The following RNASE4 variants were observed in gnomAD, a reference collection of about 807,000 sequenced individuals.
The protein encoded by RNASE4 is ribonuclease 4.
For synonymous variants in RNASE4, 93 were observed against 71.4 expected (o/e 1.30, Z -1.52); for missense variants, 194 against 192.8 (o/e 1.01, Z -0.04).
At chr14:20,694,110 G>T in intron 1 of RNASE4, 1 of 1,317,132 alleles carries the variant, frequency 7.6e-7, no homozygotes. Context: ...AGGGCCCAAA[G>T]AAAGAGCTAC....
In RNASE4 at chr14:20,699,589, T is replaced by G. The variant is rs1887218513; in HGVS notation, c.218T>G (p.Phe73Cys). ...TATCACTGCAAGCGCTTCAACACCT[T>G]CATCCATGAAGATATCTGGAACATT... ...TLYHCKRFNT[F>C]IHEDIWNIRS... The change falls in exon 2 of 2, where the codon TTC becomes TGC. Residue 73 changes from phenylalanine (F) to cysteine (C), a missense_variant. Phe to Cys is a radical substitution (Grantham distance 205). Transcript: ENST00000555835. 6.2e-7 allele frequency: 1 copy of G among 1,614,142 alleles called. No homozygotes were observed.
chr14:20,694,313 T>G (rs1886997442), intron 1 of RNASE4: 3 of 393,080 alleles, frequency 7.6e-6, no homozygotes, highest in Non-Finnish European at 1.4e-5. Flanking sequence ...TTTTTTTTTT[T>G]TTTTGAGATG....
intron 1 of RNASE4, among the ~76,000 whole-genome samples, chr14:20,697,139 A>G (rs1231780152): frequency 6.6e-6 from 1 of 152,244 alleles, no homozygotes; most frequent in Non-Finnish European, 1.5e-5. Context: ...TGAGTAGTGC[A>G]GAAAAGCTGA....
At chr14:20,689,376 G>C (rs1886585621) in intron 1 of RNASE4, among the ~76,000 whole-genome samples, 1 of 152,216 alleles carries the variant, frequency 6.6e-6, no homozygotes, top group South Asian at 2.1e-4. Flanking sequence ...AAGCAATAAA[G>C]GGATGAATAT....
intron 1 of RNASE4, among the ~76,000 whole-genome samples, chr14:20,695,394 CAAAA>C (rs552960263): frequency 8.7e-6 from 1 of 114,670 alleles, no homozygotes. Flanking sequence ...GACTCCATCT[CAAAA>C]AAAAAAAAAA....
intron 1 of RNASE4, among the ~76,000 whole-genome samples, chr14:20,688,472 T>A (rs1886530864): frequency 6.6e-6 from 1 of 152,212 alleles, no homozygotes; most frequent in Admixed American, 6.5e-5. Context: ...AGATGCTATC[T>A]TATGGATCCA....
At chr14:20,692,797 C>T (rs1886838000) in intron 1 of RNASE4, among the ~76,000 whole-genome samples, 2 of 152,186 alleles carry the variant, frequency 1.3e-5, no homozygotes, top group Admixed American at 6.5e-5. Flanking sequence ...AAGCCCCCAT[C>T]TTTTCCCCAT....
chr14:20,688,710 G>A (rs1024218173), intron 1 of RNASE4: 1 of 985,320 alleles, frequency 1.0e-6, no homozygotes, highest in Non-Finnish European at 1.2e-6. Context: ...TGGTTTTCAT[G>A]TCCCTGCCAG....
intron 1 of RNASE4, among the ~76,000 whole-genome samples, chr14:20,692,789 GC>G (rs1184035915): frequency 2.6e-5 from 4 of 152,100 alleles, no homozygotes; most frequent in African/African-American, 9.7e-5. Context: ...GTACATTGAA[GC>G]CCCCATCTTT....
intron 1 of RNASE4, chr14:20,693,751 TG>T: frequency 6.2e-7 from 1 of 1,614,232 alleles, no homozygotes; most frequent in South Asian, 1.1e-5. Flanking sequence ...GACCTCACCC[TG>T]CAAAGACATC....
In RNASE4 at chr14:20,700,592, G is replaced by A. The variant is rs1887260780; in HGVS notation, c.*777G>A. On this transcript the variant is annotated 3_prime_UTR_variant, in exon 2 of 2. Coordinates refer to ENST00000555835, the MANE Select transcript of RNASE4 (RefSeq NM_002937.5). ...TTGTAATAAAGGACCTAAACCGAAG[G>A]TACCTGAGAAGACTGTGCTATGGTA... 6.0e-6 allele frequency: 1 copy of A among 166,970 alleles called. No homozygotes were observed. Among genetic ancestry groups the A allele is most frequent in the African/African-American group, 2.4e-5 (1 of 41,404 alleles). 10.3% of individuals were successfully genotyped at this position (166,970 alleles called of 1,614,324 possible). A position where few individuals can be genotyped will look rare whatever the true frequency, so the allele number is the denominator to read the frequency against.
chr14:20,699,858 T>C lies in RNASE4; in HGVS notation c.*43T>C. 1.3e-6 allele frequency: 2 copies of C among 1,552,700 alleles called. No homozygotes were observed. Among genetic ancestry groups the C allele is most frequent in the Non-Finnish European group, 8.8e-7 (1 of 1,130,344 alleles). On this transcript the variant is annotated 3_prime_UTR_variant, in exon 2 of 2. Coordinates refer to ENST00000555835, the MANE Select transcript of RNASE4 (RefSeq NM_002937.5). The stretch of plus-strand genomic sequence containing the variant: ...TTATCGCGAGTGGTTGACCTTACAC[T>C]TACTCCTTAAATAGCAGTGAGTAAT...
Position 20,699,591 on chromosome 14 carries a change from A to C in RNASE4, c.220A>C (p.Ile74Leu), listed in dbSNP as rs1446267530. The C allele has an allele frequency of 1.2e-6, 2 of 1,614,088 alleles. No homozygotes were observed. Among genetic ancestry groups the C allele is most frequent in the Non-Finnish European group, 1.7e-6 (2 of 1,180,054 alleles). ...TCACTGCAAGCGCTTCAACACCTTC[A>C]TCCATGAAGATATCTGGAACATTCG... ...LYHCKRFNTF[I>L]HEDIWNIRSI... The change falls in exon 2 of 2, where the codon ATC becomes CTC. Residue 74 changes from isoleucine (I) to leucine (L), a missense_variant. Physicochemically the swap from Ile to Leu is conservative, Grantham distance 5 (BLOSUM62 2). Transcript: ENST00000555835.
intron 1 of RNASE4, among the ~76,000 whole-genome samples, chr14:20,691,820 G>C (rs1005143399): frequency 2.6e-5 from 4 of 152,174 alleles, no homozygotes; most frequent in African/African-American, 9.7e-5. Flanking sequence ...ATTAGAAAGA[G>C]AGCCCACTTT....
intron 1 of RNASE4, among the ~76,000 whole-genome samples, chr14:20,686,917 C>T (rs1489068964): frequency 6.6e-6 from 1 of 152,126 alleles, no homozygotes; most frequent in Admixed American, 6.5e-5. Context: ...GAGGAAAGTG[C>T]TCTAACACTA....
At chr14:20,699,168 G>C in intron 1 of RNASE4, 187 bp from the exon 2 acceptor site, 1 of 567,756 alleles carries the variant, frequency 1.8e-6, no homozygotes. Context: ...AAAAGATCAT[G>C]TTTGCAAACT....
rs372839164 is a variant in RNASE4 at position 20,693,059 on chromosome 14, G to A, written c.-17-6296G>A. On this transcript the variant is annotated intron_variant, in intron 1 of 1. Coordinates refer to ENST00000555835, the MANE Select transcript of RNASE4 (RefSeq NM_002937.5). The stretch of plus-strand genomic sequence containing the variant: ...AGACGGGGTTTCACCGTGGTAGCCA[G>A]GATGGTCTCGATCTCCTGACCTCGT... Among the ~76,000 whole-genome samples the A allele has an allele frequency of 2.2e-4, 34 of 151,896 alleles. No individual in the cohort carries two copies. In the Middle Eastern group the frequency reaches 0.01, roughly 46 times the overall value.
intron 1 of RNASE4, among the ~76,000 whole-genome samples, chr14:20,697,968 C>A (rs942437160): frequency 1.3e-5 from 2 of 152,162 alleles, no homozygotes; most frequent in Non-Finnish European, 2.9e-5. Flanking sequence ...CACCTCCAGT[C>A]TTGATTAAAC....
At chr14:20,686,762 C>T (rs1046468548) in intron 1 of RNASE4, among the ~76,000 whole-genome samples, 1 of 152,228 alleles carries the variant, frequency 6.6e-6, no homozygotes, top group Non-Finnish European at 1.5e-5. Context: ...TTACCTGTTA[C>T]TTCCGTTATT....
Sources: gnomAD v4.1 joint callset for allele counts (sites outside exome capture counted in the v4.1 genomes callset) on GRCh38, gnomAD v4.1.1 for gene constraint, MANE v1.5 for transcripts, NCBI Gene and HGNC (gene_info 2026-07-23, HGNC 2026-07-21) for gene names.